Variants in CPLX2 observed in about 807,000 individuals in gnomAD.
The protein encoded by CPLX2 is complexin-2.
In CPLX2, 5 loss-of-function variants were observed where a neutral mutation model predicts 16.3. The ratio of observed to expected loss-of-function variants is 0.31; its 90% CI spans 0.16 to 0.64. The LOEUF is 0.64. Among genes scored for constraint, CPLX2 ranks in the 30% least tolerant of loss-of-function variants. CPLX2 has a pLI of 0.79. For synonymous variants in CPLX2, 89 were observed against 73.2 expected (o/e 1.22, Z -1.10); for missense variants, 144 against 181.4 (o/e 0.79, Z 1.18).
At chr5:175,858,367 G>T (rs1759300368) in intron 2 of CPLX2, among the ~76,000 whole-genome samples, 1 of 152,232 alleles carries the variant, frequency 6.6e-6, no homozygotes, top group South Asian at 2.1e-4. Flanking sequence ...CAGGCCCAAG[G>T]CACTAGGCCT....
At chr5:175,810,988 A>G (rs1758301871) in intron 2 of CPLX2, among the ~76,000 whole-genome samples, 1 of 152,218 alleles carries the variant, frequency 6.6e-6, no homozygotes, top group South Asian at 2.1e-4. Flanking sequence ...GTGGGATGAG[A>G]TGGAAAGAGC....
chr5:175,834,700 T>C lies in CPLX2; in HGVS notation c.-89+25632T>C, dbSNP rs1433563645. Among the ~76,000 whole-genome samples, 12 of 152,186 alleles carry C rather than the reference T, an allele frequency of 7.9e-5. No individual in the cohort carries two copies. In the East Asian group the frequency reaches 1.9e-3, roughly 25 times the overall value. Reference sequence around the variant, plus strand: ...CCATCCTGGCTAACACGGTGAAACCTGGTCTCTACTAAAAATACAAAAAAT... The same window carrying C: ...CCATCCTGGCTAACACGGTGAAACCCGGTCTCTACTAAAAATACAAAAAAT... On this transcript the variant is annotated intron_variant, in intron 2 of 4. Coordinates refer to the CPLX2 transcript ENST00000359546.
At chr5:175,850,562 A>G (rs1297623040) in intron 2 of CPLX2, among the ~76,000 whole-genome samples, 2 of 152,154 alleles carry the variant, frequency 1.3e-5, no homozygotes, top group Non-Finnish European at 2.9e-5. Flanking sequence ...ATGATCAAAT[A>G]AGTTCTAGAA....
chr5:175,810,080 C>G (rs1758283916), intron 2 of CPLX2, among the ~76,000 whole-genome samples: 1 of 152,184 alleles, frequency 6.6e-6, no homozygotes, highest in Non-Finnish European at 1.5e-5. Context: ...TCACTGTTCA[C>G]AAATGAGAGG....
In CPLX2 at chr5:175,830,573, A is replaced by T. The variant is rs1758717366; in HGVS notation, c.-89+21505A>T. Among the ~76,000 whole-genome samples, 1 of 152,142 alleles carries T rather than the reference A, an allele frequency of 6.6e-6. No individual in the cohort carries two copies. Among genetic ancestry groups the T allele is most frequent in the Admixed American group, 6.5e-5 (1 of 15,280 alleles). On this transcript the variant is annotated intron_variant, in intron 2 of 4. Transcript: ENST00000359546. This position sits in a 1 kb window ranked among gnomAD's most constrained non-coding sequence, Gnocchi z 4.0. ...TCCTCTTTGCCACAGGCCATGCGGC[A>T]CTAACAAGGACTCTGGTGGTCTCTT...
chr5:175,799,954 G>A (rs574646328), intron 1 of CPLX2, among the ~76,000 whole-genome samples: 1 of 152,200 alleles, frequency 6.6e-6, no homozygotes, highest in South Asian at 2.1e-4. Context: ...CAGAAGCCCA[G>A]ATCTCATTTT....
upstream of CPLX2, chr5:175,871,456 A>AGAGGGAGAGAGAGAGAGG (rs1186414614): frequency 1.6e-5 from 2 of 122,758 alleles, no homozygotes; most frequent in African/African-American, 6.1e-5. Context: ...AGAGAGAGAG[A>AGAGGGAGAGAGAGAGAGG]GAGAGAGAGA....
At chr5:175,874,124 A>G (rs749906431) in intron 1 of CPLX2, among the ~76,000 whole-genome samples, 1 of 152,214 alleles carries the variant, frequency 6.6e-6, no homozygotes, top group Non-Finnish European at 1.5e-5. Context: ...GTGTGTATGC[A>G]TGAGAAAATC....
rs780619012 is a variant in CPLX2 at position 175,872,186 on chromosome 5, T to G, written c.-89+481T>G. ...GAGGGAGTCGCCCCCAGGGGTACAG[T>G]GCGCACTCCCGGAGTGAGTCAGAGG... is the stretch of plus-strand genomic sequence containing the variant. On this transcript the variant is annotated intron_variant, in intron 1 of 3. Coordinates refer to ENST00000393745, the MANE Select transcript of CPLX2 (RefSeq NM_001008220.2). The surrounding 1 kb of genome is among the most constrained non-coding windows in gnomAD (Gnocchi z 5.0). The G allele has an allele frequency of 2.0e-5, 3 of 151,970 alleles. No individual in the cohort carries two copies. The East Asian group carries it at 5.8e-4, about 30-fold the overall frequency. The allele number at this position is 151,970 out of a possible 1,614,324, so 9.4% of individuals were successfully genotyped here. A position where few individuals can be genotyped will look rare whatever the true frequency, so the allele number is the denominator to read the frequency against.
At chr5:175,802,839 C>CT (rs530203677) in intron 1 of CPLX2, among the ~76,000 whole-genome samples, 175 of 148,618 alleles carry the variant, frequency 1.2e-3, no homozygotes, top group Middle Eastern at 3.4e-3. Context: ...TTTTATTTTC[C>CT]TTTTTTTTTT....
intron 1 of CPLX2, among the ~76,000 whole-genome samples, chr5:175,797,352 G>A (rs1021129064): frequency 6.6e-5 from 10 of 151,630 alleles, no homozygotes; most frequent in African/African-American, 2.4e-4. Context: ...GCCCGCCGAG[G>A]CCTGGCCGTG....
chr5:175,864,178 TCCC>T (rs59943438), intron 2 of CPLX2, among the ~76,000 whole-genome samples: 74,522 of 151,790 alleles, frequency 0.49, 21,055 homozygotes, highest in East Asian at 0.8. Context: ...TAGAGATCAC[TCCC>T]CCATTTCACC....
intron 1 of CPLX2, among the ~76,000 whole-genome samples, chr5:175,873,637 G>A (rs1759688606): frequency 6.6e-6 from 1 of 152,192 alleles, no homozygotes; most frequent in South Asian, 2.1e-4. Flanking sequence ...GAAATTGCAT[G>A]GAGGGAGTGC....
chr5:175,832,205 C>T (rs1481535948), intron 2 of CPLX2, among the ~76,000 whole-genome samples: 1 of 152,218 alleles, frequency 6.6e-6, no homozygotes, highest in African/African-American at 2.4e-5. Flanking sequence ...AGTTAATCAT[C>T]AACCAGTCAC....
chr5:175,867,075 T>TA (rs1053374548), upstream of CPLX2, among the ~76,000 whole-genome samples: 16 of 151,988 alleles, frequency 1.1e-4, no homozygotes, highest in Admixed American at 1.0e-3. Context: ...ACCCTGTATC[T>TA]AAAAAAATAA....
At chr5:175,805,954 T>C (rs1758191655) in intron 1 of CPLX2, among the ~76,000 whole-genome samples, 1 of 152,206 alleles carries the variant, frequency 6.6e-6, no homozygotes, top group Non-Finnish European at 1.5e-5. Context: ...TGAGTCCTGA[T>C]AGCTACTCCT....
At chr5:175,824,246 T>A (rs1758566394) in intron 2 of CPLX2, among the ~76,000 whole-genome samples, 1 of 152,242 alleles carries the variant, frequency 6.6e-6, no homozygotes, top group South Asian at 2.1e-4. Context: ...CCCCATTTTT[T>A]ATTAATCAAA....
chr5:175,814,369 A>G (rs950374288), intron 2 of CPLX2, among the ~76,000 whole-genome samples: 2 of 152,256 alleles, frequency 1.3e-5, no homozygotes, highest in Non-Finnish European at 2.9e-5. Flanking sequence ...GGTCAGGGCT[A>G]CCACCAGAGG....
At chr5:175,818,575 A>G (rs1758449544) in intron 2 of CPLX2, among the ~76,000 whole-genome samples, 1 of 149,846 alleles carries the variant, frequency 6.7e-6, no homozygotes, top group Non-Finnish European at 1.5e-5. Context: ...AGACACAGAA[A>G]CTTGCCATCA....
Sources: gnomAD v4.1 joint callset for allele counts (sites outside exome capture counted in the v4.1 genomes callset) on GRCh38, gnomAD v4.1.1 for gene constraint, Gnocchi (gnomAD v3.1) non-coding constraint, MANE v1.5 for transcripts, NCBI Gene and HGNC (gene_info 2026-07-23, HGNC 2026-07-21) for gene names.